SKAP1: variants seen among roughly 807,000 people sequenced by gnomAD.
SKAP1 encodes src kinase-associated phosphoprotein 1.
Under a neutral mutation model 58.5 loss-of-function variants are expected in SKAP1, and 44 were observed. That is an observed-to-expected ratio of 0.75 (90% CI 0.59 to 0.97). The LOEUF (loss-of-function observed/expected upper bound fraction) is 0.97, where lower values mean the gene tolerates loss of function less well. Among genes scored for constraint, SKAP1 ranks in the 50% least tolerant of loss-of-function variants. SKAP1 has a pLI of 0.00. For synonymous variants in SKAP1, 127 were observed against 149.7 expected, an observed-to-expected ratio of 0.85 and a Z score of 1.11; for missense variants, 390 against 435.2, an observed-to-expected ratio of 0.90 and a Z score of 0.92.
At chr17:48,285,875 G>A (rs2065824017) in intron 4 of SKAP1, among the ~76,000 whole-genome samples, 1 of 152,198 alleles carries the variant, frequency 6.6e-6, no homozygotes, top group Non-Finnish European at 1.5e-5. Context: ...CAGCTGAGCA[G>A]TATGGCTTTA....
At chr17:48,279,064 G>A (rs1254755552) in intron 4 of SKAP1, among the ~76,000 whole-genome samples, 1 of 152,168 alleles carries the variant, frequency 6.6e-6, no homozygotes, top group South Asian at 2.1e-4. Flanking sequence ...TGACTTCTGA[G>A]TACTAAATGT....
intron 4 of SKAP1, among the ~76,000 whole-genome samples, chr17:48,333,207 C>A (rs2066527633): frequency 6.6e-6 from 1 of 152,096 alleles, no homozygotes; most frequent in Non-Finnish European, 1.5e-5. Context: ...GCAGAATTAA[C>A]CAAATCACCA....
intron 11 of SKAP1, among the ~76,000 whole-genome samples, chr17:48,148,731 A>G (rs1391504568): frequency 1.3e-5 from 2 of 152,166 alleles, no homozygotes; most frequent in African/African-American, 2.4e-5. Flanking sequence ...TCTAAAGTGC[A>G]ATGGGGAGGG....
chr17:48,405,250 A>T (rs557820005), intron 1 of SKAP1, among the ~76,000 whole-genome samples: 1 of 152,252 alleles, frequency 6.6e-6, no homozygotes, highest in Non-Finnish European at 1.5e-5. Flanking sequence ...AGAGGGATGA[A>T]ATTAACTTTA....
At chr17:48,190,895 G>T (rs1362122980) in intron 4 of SKAP1, among the ~76,000 whole-genome samples, 1 of 152,218 alleles carries the variant, frequency 6.6e-6, no homozygotes, top group Non-Finnish European at 1.5e-5. Flanking sequence ...TGAGGCACAA[G>T]AATCTCTTGA....
chr17:48,351,123 C>G (rs2066795278), intron 3 of SKAP1, among the ~76,000 whole-genome samples: 1 of 152,178 alleles, frequency 6.6e-6, no homozygotes, highest in Non-Finnish European at 1.5e-5. Flanking sequence ...CTAATACCAA[C>G]TAAAGATATA....
At chr17:48,189,004 A>G (rs2064498906) in intron 5 of SKAP1, among the ~76,000 whole-genome samples, 1 of 152,190 alleles carries the variant, frequency 6.6e-6, no homozygotes, top group Non-Finnish European at 1.5e-5. Context: ...CAACAACAAC[A>G]ATAACAAAAA....
chr17:48,346,000 T>C lies in SKAP1; in HGVS notation c.185A>G (p.Asp62Gly). Residue 62 changes from aspartate to glycine, a missense_variant, in exon 4 of 13, where the codon GAC becomes GGC. Transcript: ENST00000336915. ...YYWDFQPQGG[D>G]IGQDSSDDNH... ...ATCATCAGAGCTGTCCTGTCCAATG[T>C]CTCCCCCTGAGGGACAAAAAAGACA... The C allele has an allele frequency of 6.2e-7, 1 of 1,601,858 alleles. No individual in the cohort carries two copies. The highest frequency in any genetic ancestry group is 8.5e-7 in the Non-Finnish European group (1 of 1,173,794).
intron 4 of SKAP1, among the ~76,000 whole-genome samples, chr17:48,303,044 A>T (rs754234211): frequency 1.3e-5 from 2 of 152,242 alleles, no homozygotes; most frequent in Non-Finnish European, 2.9e-5. Flanking sequence ...AAGATCAATG[A>T]AATGCTACAA....
chr17:48,380,941 T>C (rs7209522), intron 2 of SKAP1, among the ~76,000 whole-genome samples: 50,773 of 152,110 alleles, frequency 0.33, 9,174 homozygotes, highest in African/African-American at 0.47. Context: ...CCCATTGACA[T>C]AACATTCTGA....
intron 1 of SKAP1, among the ~76,000 whole-genome samples, chr17:48,406,721 A>G (rs2067590960): frequency 6.6e-6 from 1 of 152,082 alleles, no homozygotes; most frequent in Admixed American, 6.5e-5. Flanking sequence ...GCCCACGACC[A>G]TGCCTAGCTA....
intron 4 of SKAP1, among the ~76,000 whole-genome samples, chr17:48,231,576 T>C (rs1345947329): frequency 6.6e-6 from 1 of 151,336 alleles, no homozygotes; most frequent in East Asian, 1.9e-4. Context: ...AATTTTACGC[T>C]GAGACCTTCT....
intron 1 of SKAP1, among the ~76,000 whole-genome samples, chr17:48,418,055 GAGAGAA>G (rs1555625342): frequency 2.6e-5 from 4 of 152,130 alleles, no homozygotes; most frequent in Non-Finnish European, 5.9e-5. Context: ...AGCATTTGGG[GAGAGAA>G]AGGATTGCTT....
intron 11 of SKAP1, among the ~76,000 whole-genome samples, chr17:48,142,218 T>G (rs2063776240): frequency 6.6e-6 from 1 of 152,116 alleles, no homozygotes; most frequent in Non-Finnish European, 1.5e-5. Flanking sequence ...ATCCAGCACT[T>G]TGGGAGGCCG....
chr17:48,211,211 G>T (rs1031781946), intron 4 of SKAP1, among the ~76,000 whole-genome samples: 4 of 152,202 alleles, frequency 2.6e-5, no homozygotes. Context: ...GAGGGCCAAG[G>T]TGGGAGGATG....
intron 10 of SKAP1, among the ~76,000 whole-genome samples, chr17:48,169,167 C>A (rs1236254921): frequency 6.6e-6 from 1 of 151,634 alleles, no homozygotes; most frequent in Non-Finnish European, 1.5e-5. Context: ...AGAAATAAAT[C>A]TCCTCTCACC....
intron 1 of SKAP1, among the ~76,000 whole-genome samples, chr17:48,409,245 A>T (rs1053506605): frequency 6.6e-6 from 1 of 152,254 alleles, no homozygotes; most frequent in Non-Finnish European, 1.5e-5. Flanking sequence ...AAAAATCTGC[A>T]AGTGAATGTT....
intron 11 of SKAP1, among the ~76,000 whole-genome samples, chr17:48,155,953 T>G (rs1236938159): frequency 1.3e-5 from 2 of 152,206 alleles, no homozygotes; most frequent in African/African-American, 4.8e-5. Flanking sequence ...CACCACACTA[T>G]CACACGGAGG....
the SKAP1 span, among the ~76,000 whole-genome samples, chr17:48,436,023 C>A: frequency 1.3e-5 from 2 of 152,080 alleles, no homozygotes; most frequent in Non-Finnish European, 2.9e-5. Flanking sequence ...TCTTTCCTTG[C>A]CTTCAGAATT....
Sources: allele counts gnomAD v4.1 joint callset (sites outside exome capture counted in the v4.1 genomes callset), GRCh38; gene constraint gnomAD v4.1.1; transcripts MANE v1.5; gene names NCBI Gene and HGNC (gene_info 2026-07-23, HGNC 2026-07-21).